Variants in VPS13D observed in about 807,000 individuals in gnomAD.
VPS13D encodes intermembrane lipid transfer protein VPS13D.
Under a neutral mutation model 461.9 loss-of-function variants are expected in VPS13D, and 187 were observed. The observed-to-expected ratio is 0.40, with a 90% CI of 0.36 to 0.46. The LOEUF is 0.46. VPS13D is among the 20% of genes least tolerant of loss of function. The pLI, the probability that VPS13D is intolerant of heterozygous loss-of-function variation, is 0.60. For synonymous variants in VPS13D, 1,951 were observed against 1,986.3 expected (o/e 0.98, Z 0.47); for missense variants, 4,711 against 5,364.9 (o/e 0.88, Z 3.81).
At chr1:12,268,016 C>G in intron 15 of VPS13D, 96 bp downstream of exon 15, 1 of 1,046,494 alleles carries the variant, frequency 9.6e-7, no homozygotes, top group Non-Finnish European at 1.4e-6. Context: ...GGCTGGAGTG[C>G]AGTGGTGTGA....
chr1:12,342,909 T>A lies in VPS13D; in HGVS notation c.8743T>A (p.Ser2915Thr). Residue 2915 changes from serine to threonine, a missense_variant, in exon 42 of 70, where the codon TCT becomes ACT. Around this residue, in one of 3 missense-constraint regions of VPS13D, gnomAD observed 4,411 missense variants for 4,937.8 expected, o/e 0.89. Transcript: ENST00000620676. ...CTGATTTGGTTCCAGAGCTGCACTC[T>A]CTCACAGTGGGAGTCCAGGGGTAGT... ...LTTTPTRAAL[S>T]HSGSPGVVPE... is the part of the protein sequence containing the mutation. The A allele has an allele frequency of 2.5e-6, 4 of 1,611,664 alleles. No individual in the cohort carries two copies. The highest frequency in any genetic ancestry group is 2.5e-6 in the Non-Finnish European group (3 of 1,178,178).
intron 57 of VPS13D, among the ~76,000 whole-genome samples, chr1:12,381,779 G>A (rs1238245287): frequency 1.3e-5 from 2 of 152,140 alleles, no homozygotes; most frequent in Non-Finnish European, 2.9e-5. Context: ...TTCTGACCAC[G>A]AGGCATCCCT....
chr1:12,244,460 A>G (rs1268390475), intron 4 of VPS13D, 24 bp downstream of exon 4: 2 of 1,614,072 alleles, frequency 1.2e-6, no homozygotes, highest in South Asian at 2.2e-5. Context: ...CTTCTGGGCC[A>G]TAAGAGCAGT....
At chr1:12,404,661 T>C (rs1490868741) in intron 63 of VPS13D, among the ~76,000 whole-genome samples, 2 of 152,210 alleles carry the variant, frequency 1.3e-5, no homozygotes, top group Non-Finnish European at 2.9e-5. Context: ...ATTTTTTTTT[T>C]CACTATACTA....
chr1:12,283,741 C>G lies in VPS13D; in HGVS notation c.5634+5C>G, dbSNP rs762188696. 10 of 1,604,792 alleles carry G rather than the reference C, an allele frequency of 6.2e-6. No homozygotes were observed. The African/African-American group carries it at 1.2e-4, about 19-fold the overall frequency. The stretch of plus-strand genomic sequence containing the variant: ...AACACCAAACTGGATCTCAAGGTAT[C>G]CTCAGTTCCCTTTGGCTCCCTTAAG... On this transcript the variant is annotated splice_donor_5th_base_variant and intron_variant, in intron 21 of 69. Transcript: ENST00000620676.
intron 65 of VPS13D, among the ~76,000 whole-genome samples, chr1:12,449,244 T>C (rs1007515795): frequency 6.6e-6 from 1 of 152,168 alleles, no homozygotes; most frequent in African/African-American, 2.4e-5. Context: ...CTTTCTGGAT[T>C]CCTCCCCTTT....
intron 60 of VPS13D, among the ~76,000 whole-genome samples, chr1:12,387,324 A>G (rs1421386648): frequency 1.3e-5 from 2 of 152,252 alleles, no homozygotes; most frequent in Non-Finnish European, 2.9e-5. Flanking sequence ...ATCCTTGAAT[A>G]AAGCTCAAGA....
Position 12,416,803 on chromosome 1 carries a change from C to T in VPS13D, c.12309C>T (p.His4103=), listed in dbSNP as rs375755648. 2.8e-5 allele frequency: 45 copies of T among 1,612,470 alleles called. No homozygotes were observed. The highest frequency in any genetic ancestry group is 1.1e-4 in the African/African-American group (8 of 74,952). The part of the protein sequence containing the change: ...NVGGLIRNVT[H]GVSNSAAKFA... The stretch of plus-strand genomic sequence containing the variant: ...GGGGCCTCATCAGAAATGTTACACA[C>T]GGAGTATCAAACTCTGCTGCCAAGG... Residue 4103 remains histidine, a synonymous_variant, in exon 65 of 70, where the codon CAC becomes CAT. Transcript: ENST00000620676.
chr1:12,236,216 A>G (rs1477631056), intron 2 of VPS13D, among the ~76,000 whole-genome samples: 3 of 152,104 alleles, frequency 2.0e-5, no homozygotes, highest in Admixed American at 6.6e-5. Flanking sequence ...ATGGTACCCA[A>G]TGCTTATGGA....
At chr1:12,407,593 G>A (rs753903970) in intron 63 of VPS13D, among the ~76,000 whole-genome samples, 4 of 152,106 alleles carry the variant, frequency 2.6e-5, no homozygotes, top group African/African-American at 9.7e-5. Flanking sequence ...CCCTCATCTC[G>A]ACTTTGACTG....
At chr1:12,293,816 G>T in intron 24 of VPS13D, 112 bp downstream of exon 24, 1 of 1,106,748 alleles carries the variant, frequency 9.0e-7, no homozygotes, top group Non-Finnish European at 1.3e-6. Context: ...TTGCTAATAT[G>T]TTCTCCGTGT....
chr1:12,342,771 C>T, intron 41 of VPS13D, 128 bp from the exon 42 acceptor site: 1 of 1,077,344 alleles, frequency 9.3e-7, no homozygotes, highest in East Asian at 2.5e-5. Flanking sequence ...TTCTTTGTAG[C>T]TAGGTCATGC....
At chr1:12,492,510 A>G (rs1238933418) in intron 67 of VPS13D, among the ~76,000 whole-genome samples, 2 of 152,192 alleles carry the variant, frequency 1.3e-5, no homozygotes, top group Non-Finnish European at 2.9e-5. Flanking sequence ...GACAATACCA[A>G]GTGTTGGATA....
At chr1:12,488,427 T>G (rs1219618913) in intron 67 of VPS13D, among the ~76,000 whole-genome samples, 1 of 152,224 alleles carries the variant, frequency 6.6e-6, no homozygotes, top group African/African-American at 2.4e-5. Flanking sequence ...GACTGGGATT[T>G]CAGCCTGTGT....
intron 60 of VPS13D, among the ~76,000 whole-genome samples, chr1:12,391,938 G>A (rs1242702580): frequency 2.0e-5 from 3 of 151,962 alleles, no homozygotes; most frequent in African/African-American, 7.3e-5. Flanking sequence ...TCGGGTCACT[G>A]CAACCTCCTC....
At chr1:12,333,032 G>A (rs1043979303) in intron 37 of VPS13D, among the ~76,000 whole-genome samples, 194 bp from the exon 38 acceptor site, 7 of 152,148 alleles carry the variant, frequency 4.6e-5, no homozygotes, top group Non-Finnish European at 7.3e-5. Context: ...CTTTCCACTT[G>A]TGTCTTCTGG....
At chr1:12,404,308 C>T (rs934636832) in intron 63 of VPS13D, among the ~76,000 whole-genome samples, 2 of 152,130 alleles carry the variant, frequency 1.3e-5, no homozygotes, top group African/African-American at 4.8e-5. Context: ...AGCCTTTTTC[C>T]TAAAGTTGTG....
At chr1:12,472,396 T>C (rs1270045290) in intron 67 of VPS13D, among the ~76,000 whole-genome samples, 1 of 152,196 alleles carries the variant, frequency 6.6e-6, no homozygotes, top group Non-Finnish European at 1.5e-5. Context: ...TGCAGCCTTT[T>C]AACCAATCTT....
At position 12,322,724 on chromosome 1, in the gene VPS13D, A is replaced by G. The variant is rs1030203279; in HGVS notation, c.7893A>G (p.Arg2631=). 1 of 1,614,182 alleles carries G rather than the reference A, an allele frequency of 6.2e-7. No individual in the cohort carries two copies. The highest frequency in any genetic ancestry group is 1.3e-5 in the African/African-American group (1 of 75,058). The part of the protein sequence containing the change: ...RVGEEIREGT[R]HTLDPVLELQ... ...GAGAGGAAATCAGAGAAGGGACAAG[A>G]CACACCTTAGATCCTGTCTTGGGTA... is the stretch of plus-strand genomic sequence containing the variant. Residue 2631 remains arginine, a synonymous_variant, in exon 34 of 70, where the codon AGA becomes AGG. Transcript: ENST00000620676.
Sources: gnomAD v4.1 joint callset for allele counts (sites outside exome capture counted in the v4.1 genomes callset) on GRCh38, gnomAD v4.1.1 for gene constraint, gnomAD v4.1.1 regional missense constraint, MANE v1.5 for transcripts, NCBI Gene and HGNC (gene_info 2026-07-23, HGNC 2026-07-21) for gene names.